ADAM12: variants seen among roughly 807,000 people sequenced by gnomAD.
ADAM12 encodes ADAM metallopeptidase domain 12.
In ADAM12, 70 loss-of-function variants were observed where a neutral mutation model predicts 106.4. The ratio of observed to expected loss-of-function variants is 0.66; its 90% confidence interval spans 0.54 to 0.80. The LOEUF is 0.80. Ranked by LOEUF, ADAM12 falls within the 30% of genes least tolerant of loss-of-function variation. The pLI, the probability that ADAM12 is intolerant of heterozygous loss-of-function variation, is 0.00. For synonymous variants in ADAM12, 420 were observed against 433.5 expected (o/e 0.97, Z 0.39); for missense variants, 1,010 against 1,171.9 (o/e 0.86, Z 2.02).
intron 3 of ADAM12, among the ~76,000 whole-genome samples, chr10:126,246,493 C>T (rs1958632125): frequency 6.6e-6 from 1 of 152,178 alleles, no homozygotes; most frequent in Non-Finnish European, 1.5e-5. Flanking sequence ...CAAGAAAATA[C>T]TGGCAAACAG....
At chr10:126,143,101 A>G (rs1341996891) in intron 4 of ADAM12, among the ~76,000 whole-genome samples, 1 of 150,574 alleles carries the variant, frequency 6.6e-6, no homozygotes, top group African/African-American at 2.5e-5. Flanking sequence ...ACGTGTGTAT[A>G]TGGTGTGCAT....
At chr10:126,344,814 GCTCT>G (rs560547657) in intron 1 of ADAM12, among the ~76,000 whole-genome samples, 16 of 152,102 alleles carry the variant, frequency 1.1e-4, no homozygotes, top group African/African-American at 3.4e-4. Context: ...TCATGATTTG[GCTCT>G]CTGTTTGTCT....
chr10:126,184,528 G>A (rs979230352), intron 3 of ADAM12, among the ~76,000 whole-genome samples: 1 of 152,178 alleles, frequency 6.6e-6, no homozygotes, highest in African/African-American at 2.4e-5. Context: ...TTCTTATGAT[G>A]AAGTGGCAAA....
chr10:126,277,272 A>G (rs1302764713), intron 3 of ADAM12, among the ~76,000 whole-genome samples: 1 of 152,174 alleles, frequency 6.6e-6, no homozygotes, highest in Non-Finnish European at 1.5e-5. Flanking sequence ...AGTAAAAACA[A>G]CTTAAGGTTT....
intron 2 of ADAM12, among the ~76,000 whole-genome samples, chr10:126,283,225 A>T (rs1469988670): frequency 6.6e-6 from 1 of 152,064 alleles, no homozygotes; most frequent in Non-Finnish European, 1.5e-5. Flanking sequence ...CTAAATACAG[A>T]TGTAGCTTCT....
intron 6 of ADAM12, among the ~76,000 whole-genome samples, chr10:126,115,577 C>T (rs1487417749): frequency 6.6e-6 from 1 of 152,186 alleles, no homozygotes; most frequent in East Asian, 1.9e-4. Context: ...AGTGTATACC[C>T]TGAGTGCAGA....
intron 2 of ADAM12, among the ~76,000 whole-genome samples, chr10:126,302,560 T>C (rs1460029164): frequency 6.6e-6 from 1 of 152,028 alleles, no homozygotes; most frequent in African/African-American, 2.4e-5. Context: ...TGAGCAGGGG[T>C]CTAAGCTACA....
At chr10:126,042,269 C>T (rs536757484) in intron 18 of ADAM12, 15 of 1,609,364 alleles carry the variant, frequency 9.3e-6, no homozygotes, top group Non-Finnish European at 1.3e-5. Context: ...TTTAGACTTG[C>T]CCCTGAATTG....
At chr10:126,105,114 C>T (rs984028889) in intron 8 of ADAM12, among the ~76,000 whole-genome samples, 5 of 152,096 alleles carry the variant, frequency 3.3e-5, no homozygotes, top group African/African-American at 1.2e-4. Context: ...CTCTCCCTGC[C>T]AGAAACACAA....
rs542803795 is a variant in ADAM12, at chr10:126,055,236, C to T, written c.1610-5567G>A. On this transcript the variant is annotated intron_variant, in intron 14 of 22. Transcript: ENST00000448723. ...CAGCTGGTTCTGGGAACCCTCCTGGCCTGGGCTTCCAGACTCCCCCTGAGT... is the reference window on the plus strand; with the variant it reads ...CAGCTGGTTCTGGGAACCCTCCTGGTCTGGGCTTCCAGACTCCCCCTGAGT... Among the ~76,000 whole-genome samples the T allele has an allele frequency of 3.3e-5, 5 of 152,290 alleles. No individual in the cohort carries two copies. The South Asian group carries it at 8.3e-4, about 25-fold the overall frequency.
chr10:126,362,007 T>C (rs1421143006), intron 1 of ADAM12, among the ~76,000 whole-genome samples: 1 of 152,010 alleles, frequency 6.6e-6, no homozygotes, highest in Admixed American at 6.6e-5. Context: ...AATGTAAGCA[T>C]TGGGAGAAAA....
chr10:126,333,708 A>C (rs1459907030), intron 1 of ADAM12, among the ~76,000 whole-genome samples: 1 of 152,246 alleles, frequency 6.6e-6, no homozygotes, highest in African/African-American at 2.4e-5. Context: ...AGAAAGACAC[A>C]GTTATTTAGT....
chr10:126,246,129 T>A (rs1456999371), intron 3 of ADAM12, among the ~76,000 whole-genome samples: 3 of 152,134 alleles, frequency 2.0e-5, no homozygotes, highest in African/African-American at 7.2e-5. Context: ...AACCCTTGCA[T>A]TCTGGAGGAG....
chr10:126,164,173 T>C (rs961724284), intron 3 of ADAM12, among the ~76,000 whole-genome samples: 1 of 152,266 alleles, frequency 6.6e-6, no homozygotes, highest in Non-Finnish European at 1.5e-5. Context: ...ATTGATGACA[T>C]GTCAACTTTT....
Position 126,345,418 on chromosome 10 carries a change from C to T in ADAM12, c.89-14909G>A, listed in dbSNP as rs9737881. Reference sequence around the variant, plus strand: ...AAACTTTTTGATGTGCTGCTGGATTCGGTTTGCCAGTATTTTATTGAGGAT... The same window carrying T: ...AAACTTTTTGATGTGCTGCTGGATTTGGTTTGCCAGTATTTTATTGAGGAT... On this transcript the variant is annotated intron_variant, in intron 1 of 22. Transcript: ENST00000448723. Among the ~76,000 whole-genome samples the T allele has an allele frequency of 8.3e-3, 1,258 of 152,202 alleles. 23 individuals carry two copies. The highest frequency in any genetic ancestry group is 0.029 in the African/African-American group (1,191 of 41,506).
chr10:126,206,859 GC>G lies in ADAM12; in HGVS notation c.261-51555del, dbSNP rs1198017363. On this transcript the variant is annotated intron_variant, in intron 3 of 22. Transcript: ENST00000448723. ...CCCTGAATTCCCATGTGTTGTGGGG[GC>G]GGGGGGGAGCCAGTGGGAGGTAATT... Among the ~76,000 whole-genome samples the G allele has an allele frequency of 2.2e-3, 286 of 129,870 alleles. 16 individuals are homozygous for G. The highest frequency in any genetic ancestry group is 0.013 in the East Asian group (66 of 4,896). 85.2% of individuals were successfully genotyped at this position (129,870 alleles called of 152,430 possible).
At chr10:126,330,167 T>G (rs552038334) in intron 2 of ADAM12, among the ~76,000 whole-genome samples, 1 of 152,340 alleles carries the variant, frequency 6.6e-6, no homozygotes, top group Non-Finnish European at 1.5e-5. Context: ...TCTGGGACTG[T>G]AACCCCTGGT....
chr10:126,047,059 A>G (rs1460281529), intron 16 of ADAM12, among the ~76,000 whole-genome samples: 2 of 152,200 alleles, frequency 1.3e-5, no homozygotes, highest in African/African-American at 4.8e-5. Flanking sequence ...TTGTAGTGGT[A>G]GGCATTTCCT....
chr10:126,211,119 C>T (rs1348075317), intron 3 of ADAM12, among the ~76,000 whole-genome samples: 1 of 152,102 alleles, frequency 6.6e-6, no homozygotes, highest in Admixed American at 6.5e-5. Flanking sequence ...GGGAGCTGCT[C>T]TCGCCATTTG....
Sources: allele counts gnomAD v4.1 joint callset (sites outside exome capture counted in the v4.1 genomes callset), GRCh38; gene constraint gnomAD v4.1.1; transcripts MANE v1.5; gene names NCBI Gene and HGNC (gene_info 2026-07-23, HGNC 2026-07-21).